The following ERBB4 variants were observed in gnomAD, a reference collection of about 807,000 sequenced individuals.
The protein encoded by ERBB4 is receptor tyrosine-protein kinase erbB-4.
In ERBB4, 42 loss-of-function variants were observed where a neutral mutation model predicts 158.0. That is an observed-to-expected ratio of 0.27 (90% CI 0.21 to 0.34). The LOEUF is 0.34. Among genes scored for constraint, ERBB4 ranks in the 10% least tolerant of loss-of-function variants. The pLI is 1.00. For synonymous variants in ERBB4, 583 were observed against 558.7 expected (o/e 1.04, Z -0.61); for missense variants, 1,333 against 1,624.1 (o/e 0.82, Z 3.08).
chr2:211,626,010 G>A (rs1327201896), intron 17 of ERBB4, among the ~76,000 whole-genome samples: 1 of 152,048 alleles, frequency 6.6e-6, no homozygotes, highest in Non-Finnish European at 1.5e-5. Context: ...ACAGACACAT[G>A]GGTTTAAATT....
intron 3 of ERBB4, among the ~76,000 whole-genome samples, chr2:211,904,092 A>T (rs1559631440): frequency 6.6e-6 from 1 of 152,156 alleles, no homozygotes; most frequent in East Asian, 1.9e-4. Flanking sequence ...GTCAAAGGCA[A>T]ATAAATACTG....
chr2:211,690,597 A>G (rs543371574), intron 12 of ERBB4, among the ~76,000 whole-genome samples: 1 of 152,348 alleles, frequency 6.6e-6, no homozygotes, highest in South Asian at 2.1e-4. Context: ...CCAATAGATG[A>G]TGGAAGTGAA....
At chr2:211,669,737 C>A (rs1342842610) in intron 14 of ERBB4, among the ~76,000 whole-genome samples, 1 of 152,088 alleles carries the variant, frequency 6.6e-6, no homozygotes, top group Non-Finnish European at 1.5e-5. Context: ...CTATCATAGT[C>A]CCTGAAAGCA....
At chr2:212,398,755 A>C (rs1429563440) in intron 1 of ERBB4, among the ~76,000 whole-genome samples, 1 of 152,172 alleles carries the variant, frequency 6.6e-6, no homozygotes, top group Admixed American at 6.5e-5. Flanking sequence ...AATTCATGAA[A>C]GCATTTAATG....
chr2:211,769,231 G>C (rs2075631869), intron 4 of ERBB4, among the ~76,000 whole-genome samples: 2 of 152,076 alleles, frequency 1.3e-5, no homozygotes, highest in South Asian at 4.1e-4. Context: ...ATCCATTTGA[G>C]ACCACCTCAG....
chr2:212,197,738 A>C (rs963902373), intron 1 of ERBB4, among the ~76,000 whole-genome samples: 8 of 152,172 alleles, frequency 5.3e-5, no homozygotes, highest in African/African-American at 1.7e-4. Context: ...GTTTGCTGAA[A>C]GCCCTGTAAC....
chr2:212,243,780 T>C (rs2084205836), intron 1 of ERBB4, among the ~76,000 whole-genome samples: 1 of 152,088 alleles, frequency 6.6e-6, no homozygotes, highest in African/African-American at 2.4e-5. Flanking sequence ...GATGGAATAA[T>C]AGCTATTGAG....
chr2:211,460,352 C>A (rs1235994612), intron 20 of ERBB4, among the ~76,000 whole-genome samples: 2 of 152,040 alleles, frequency 1.3e-5, no homozygotes, highest in African/African-American at 2.4e-5. Context: ...ACACATGAAG[C>A]CTTGCATGTA....
chr2:211,944,199 A>ATATAT (rs1559155134), intron 3 of ERBB4, among the ~76,000 whole-genome samples: 9 of 107,860 alleles, frequency 8.3e-5, no homozygotes, highest in Admixed American at 3.1e-4. Context: ...ATATATATAT[A>ATATAT]CTATATATAT....
At chr2:212,261,179 T>G (rs898500333) in intron 1 of ERBB4, among the ~76,000 whole-genome samples, 3 of 152,192 alleles carry the variant, frequency 2.0e-5, no homozygotes, top group Non-Finnish European at 2.9e-5. Context: ...CATCAAAATA[T>G]CTGGAACATT....
chr2:211,762,879 C>T (rs1440463342), intron 4 of ERBB4, among the ~76,000 whole-genome samples: 3 of 152,166 alleles, frequency 2.0e-5, no homozygotes, highest in African/African-American at 7.2e-5. Flanking sequence ...CATCACAAAC[C>T]TTTTGTCCTT....
intron 3 of ERBB4, among the ~76,000 whole-genome samples, chr2:211,854,242 C>T (rs1013103187): frequency 2.0e-5 from 3 of 151,992 alleles, no homozygotes; most frequent in Admixed American, 1.3e-4. Context: ...TAGAAGGCCT[C>T]ATTATTTGAG....
intron 22 of ERBB4, 52 bp from the exon 23 acceptor site, chr2:211,424,353 C>A (rs777773154): frequency 1.5e-6 from 2 of 1,294,036 alleles, no homozygotes; most frequent in South Asian, 2.4e-5. Flanking sequence ...ATATGTTGAA[C>A]AAACCAGCAC....
At chr2:211,879,358 T>C (rs2078601204) in intron 3 of ERBB4, among the ~76,000 whole-genome samples, 1 of 152,108 alleles carries the variant, frequency 6.6e-6, no homozygotes, top group African/African-American at 2.4e-5. Flanking sequence ...AGGCAAAATA[T>C]ATAAATAGGG....
intron 1 of ERBB4, among the ~76,000 whole-genome samples, chr2:212,436,813 G>T (rs1010711897): frequency 6.6e-6 from 1 of 152,008 alleles, no homozygotes; most frequent in Non-Finnish European, 1.5e-5. Flanking sequence ...ACTTTTGCAG[G>T]TTAGACTTAA....
chr2:212,377,811 G>T (rs1214729825), intron 1 of ERBB4, among the ~76,000 whole-genome samples: 1 of 151,734 alleles, frequency 6.6e-6, no homozygotes, highest in Non-Finnish European at 1.5e-5. Context: ...AAAATCCTTT[G>T]TTTCTTACTT....
At chr2:212,500,135 T>C (rs1387960529) in intron 1 of ERBB4, among the ~76,000 whole-genome samples, 2 of 152,124 alleles carry the variant, frequency 1.3e-5, no homozygotes, top group Non-Finnish European at 1.5e-5. Flanking sequence ...TACTTTTTAT[T>C]GATCAAATGA....
chr2:211,738,215 G>A (rs1213092702), intron 5 of ERBB4, among the ~76,000 whole-genome samples: 1 of 151,912 alleles, frequency 6.6e-6, no homozygotes, highest in African/African-American at 2.4e-5. Flanking sequence ...AATTTATAAA[G>A]TTGTATGTCA....
chr2:211,705,955 G>C (rs1218108562), intron 9 of ERBB4, among the ~76,000 whole-genome samples: 1 of 151,888 alleles, frequency 6.6e-6, no homozygotes, highest in Non-Finnish European at 1.5e-5. Context: ...AGATTACTTA[G>C]AACCATCTTG....
Sources: allele counts gnomAD v4.1 joint callset (sites outside exome capture counted in the v4.1 genomes callset), GRCh38; gene constraint gnomAD v4.1.1; transcripts MANE v1.5; gene names NCBI Gene and HGNC (gene_info 2026-07-23, HGNC 2026-07-21).